ITFG1: variants seen among roughly 807,000 people sequenced by gnomAD.
ITFG1 encodes the protein T-cell immunomodulatory protein.
A neutral mutation model predicts 81.8 loss-of-function variants in ITFG1; 34 were observed. The ratio of observed to expected loss-of-function variants is 0.42; its 90% CI spans 0.32 to 0.55. The LOEUF (loss-of-function observed/expected upper bound fraction) is 0.55. Ranked by LOEUF, ITFG1 falls within the 20% of genes least tolerant of loss-of-function variation. ITFG1 has a pLI of 0.17. For synonymous variants in ITFG1, 285 were observed against 270.6 expected, an observed-to-expected ratio of 1.05 and a Z score of -0.52; for missense variants, 672 against 755.4, an observed-to-expected ratio of 0.89 and a Z score of 1.29.
At chr16:47,259,559 T>C (rs1966180532) in intron 11 of ITFG1, among the ~76,000 whole-genome samples, 1 of 152,202 alleles carries the variant, frequency 6.6e-6, no homozygotes, top group Non-Finnish European at 1.5e-5. Context: ...GAATAATTCA[T>C]ATAATTGAGA....
At chr16:47,305,672 T>C (rs983333057) in intron 10 of ITFG1, among the ~76,000 whole-genome samples, 2 of 152,192 alleles carry the variant, frequency 1.3e-5, no homozygotes, top group African/African-American at 4.8e-5. Context: ...AATCAGATTA[T>C]CACCAGACTT....
chr16:47,164,572 CA>C (rs1964862067), intron 14 of ITFG1, among the ~76,000 whole-genome samples: 1 of 152,210 alleles, frequency 6.6e-6, no homozygotes, highest in South Asian at 2.1e-4. Flanking sequence ...TGTAGCTTTT[CA>C]AAGCTGCGTA....
intron 10 of ITFG1, among the ~76,000 whole-genome samples, chr16:47,280,757 C>T (rs1033433530): frequency 3.3e-5 from 5 of 152,150 alleles, no homozygotes; most frequent in South Asian, 2.1e-4. Context: ...ACCCCCTAAT[C>T]GTCCCAGAAA....
At chr16:47,323,936 T>A (rs1422638029) in intron 8 of ITFG1, among the ~76,000 whole-genome samples, 4 of 152,230 alleles carry the variant, frequency 2.6e-5, no homozygotes, top group Admixed American at 1.3e-4. Flanking sequence ...GATTAAACCC[T>A]AAAACTCTAT....
chr16:47,316,203 T>G (rs1035245435), intron 8 of ITFG1, among the ~76,000 whole-genome samples: 2 of 152,208 alleles, frequency 1.3e-5, no homozygotes, highest in East Asian at 3.8e-4. Context: ...GCTTTTAAAT[T>G]GACATATTTC....
chr16:47,365,906 A>T, intron 7 of ITFG1, 37 bp from the exon 8 acceptor site: 1 of 1,052,008 alleles, frequency 9.5e-7, no homozygotes, highest in Non-Finnish European at 1.5e-6. Context: ...AGACCATCTT[A>T]ATCCACTCAT....
In ITFG1 at chr16:47,431,199, T is replaced by C. The variant is rs1969091372; in HGVS notation, c.561-2301A>G. Reference sequence around the variant, plus strand: ...GAGACAAAAGGGAGTGATTGCTTAATGCAGGGTTCCCTAACCCTTGGGCTG... The same window carrying C: ...GAGACAAAAGGGAGTGATTGCTTAACGCAGGGTTCCCTAACCCTTGGGCTG... On this transcript the variant is annotated intron_variant, in intron 5 of 17. Coordinates refer to ENST00000320640, the MANE Select transcript of ITFG1 (RefSeq NM_030790.5). 2.0e-5 allele frequency among the ~76,000 whole-genome samples: 3 copies of C among 152,332 alleles called. No homozygotes were observed. The South Asian group carries it at 6.2e-4, about 32-fold the overall frequency.
chr16:47,400,137 T>C (rs1465589386), intron 6 of ITFG1, among the ~76,000 whole-genome samples: 4 of 152,232 alleles, frequency 2.6e-5, no homozygotes, highest in Non-Finnish European at 5.9e-5. Flanking sequence ...CAGATCCACC[T>C]GACCCCAGAG....
In ITFG1 at chr16:47,181,371, CCGGCCAGCCACCCCG is replaced by C. The variant is rs1214073328; in HGVS notation, c.1454-18722_1454-18708del. Among the ~76,000 whole-genome samples, 674 of 150,800 alleles carry C rather than the reference CCGGCCAGCCACCCCG, an allele frequency of 4.5e-3. 15 individuals are homozygous for C. The highest frequency in any genetic ancestry group is 0.015 in the African/African-American group (629 of 41,086). ...GGAGGTGGGGGGGTCAGCCCCCCGCCCGGCCAGCCACCCCGTCCGGCAGGGAGATGGGGGGGTCAG... is the reference window on the plus strand; with the variant it reads ...GGAGGTGGGGGGGTCAGCCCCCCGCCTCCGGCAGGGAGATGGGGGGGTCAG... On this transcript the variant is annotated intron_variant, in intron 14 of 17. Transcript: ENST00000320640.
intron 10 of ITFG1, among the ~76,000 whole-genome samples, chr16:47,303,219 C>A (rs1018103075): frequency 8.6e-5 from 13 of 151,616 alleles, no homozygotes; most frequent in Admixed American, 6.6e-4. Flanking sequence ...TGCAGTGAGC[C>A]GAGATCGCAC....
rs552509862 is a variant in ITFG1, at chr16:47,267,292, A to G, written c.1071-6597T>C. Among the ~76,000 whole-genome samples the G allele has an allele frequency of 8.5e-5, 13 of 152,316 alleles. No homozygotes were observed. In the South Asian group the frequency reaches 2.7e-3, roughly 32 times the overall value. On this transcript the variant is annotated intron_variant, in intron 10 of 17. Coordinates refer to ENST00000320640, the MANE Select transcript of ITFG1 (RefSeq NM_030790.5). The stretch of plus-strand genomic sequence containing the variant: ...TGACAATATTAATAAGAGAGAAGGT[A>G]GACTTCAGAACAAAGAATATCACCA...
At position 47,454,004 on chromosome 16, in the gene ITFG1, C is replaced by T; in HGVS notation, c.427+9G>A. The T allele has an allele frequency of 6.4e-7, 1 of 1,563,616 alleles. No individual in the cohort carries two copies. The highest frequency in any genetic ancestry group is 8.7e-7 in the Non-Finnish European group (1 of 1,151,220). On this transcript the variant is annotated intron_variant, in intron 3 of 17. Transcript: ENST00000320640. ...TGATAAATATTAAAAATTTTTAAAA[C>T]AAATTCACCTAATGTTTGATTTTGT...
intron 8 of ITFG1, among the ~76,000 whole-genome samples, chr16:47,343,991 C>A (rs559571106): frequency 6.6e-6 from 1 of 151,838 alleles, no homozygotes; most frequent in African/African-American, 2.4e-5. Context: ...ACGGATGAAC[C>A]GCAAAAACAT....
At chr16:47,173,310 C>G (rs1964982830) in intron 14 of ITFG1, among the ~76,000 whole-genome samples, 1 of 152,104 alleles carries the variant, frequency 6.6e-6, no homozygotes, top group South Asian at 2.1e-4. Flanking sequence ...TCTGTCTTCC[C>G]CCACTAGAAT....
chr16:47,390,670 G>A (rs1009653095), intron 6 of ITFG1, among the ~76,000 whole-genome samples: 7 of 152,070 alleles, frequency 4.6e-5, no homozygotes, highest in Non-Finnish European at 1.0e-4. Flanking sequence ...ATGTTGGCCA[G>A]GCTGGTCTCA....
At chr16:47,260,741 T>G in intron 10 of ITFG1, 46 bp from the exon 11 acceptor site, 1 of 1,590,428 alleles carries the variant, frequency 6.3e-7, no homozygotes, top group Non-Finnish European at 8.6e-7. Context: ...ACATCAACAC[T>G]GTGGCATCGG....
rs139004817 is a variant in ITFG1, at chr16:47,398,467, G to C, written c.656-22527C>G. 2.8e-3 allele frequency among the ~76,000 whole-genome samples: 430 copies of C among 152,288 alleles called. 2 individuals are homozygous for C. Among genetic ancestry groups the C allele is most frequent in the Non-Finnish European group, 5.3e-3 (359 of 68,020 alleles). ...TCATTACTAACAACTTAAGCTTCTA[G>C]ATTTGTACCAGTTTTTAGCTGCTCT... is the stretch of plus-strand genomic sequence containing the variant. On this transcript the variant is annotated intron_variant, in intron 6 of 17. Coordinates refer to ENST00000320640, the MANE Select transcript of ITFG1 (RefSeq NM_030790.5).
intron 10 of ITFG1, among the ~76,000 whole-genome samples, chr16:47,302,283 T>C (rs1474583731): frequency 1.3e-5 from 2 of 152,182 alleles, no homozygotes; most frequent in African/African-American, 4.8e-5. Context: ...GAGAAATTTG[T>C]CTTTTAAAAT....
chr16:47,273,395 C>T (rs1268396121), intron 10 of ITFG1, among the ~76,000 whole-genome samples: 5 of 152,096 alleles, frequency 3.3e-5, no homozygotes, highest in South Asian at 4.1e-4. Flanking sequence ...TGCCTACTAT[C>T]GGTAAGTGCA....
Sources: gnomAD v4.1 joint callset for allele counts (sites outside exome capture counted in the v4.1 genomes callset) on GRCh38, gnomAD v4.1.1 for gene constraint, MANE v1.5 for transcripts, NCBI Gene and HGNC (gene_info 2026-07-23, HGNC 2026-07-21) for gene names.